The following FSTL5 variants were observed in gnomAD, a reference collection of about 807,000 sequenced individuals.
The protein encoded by FSTL5 is follistatin like 5.
A neutral mutation model predicts 89.1 loss-of-function variants in FSTL5; 62 were observed. The observed-to-expected ratio is 0.70, with a 90% CI of 0.57 to 0.86. The LOEUF (loss-of-function observed/expected upper bound fraction) is 0.86. Ranked by LOEUF, FSTL5 falls within the 40% of genes least tolerant of loss-of-function variation. FSTL5 has a pLI of 0.00. For synonymous variants in FSTL5, 383 were observed against 346.2 expected (o/e 1.11, Z -1.18); for missense variants, 1,057 against 1,001.6 (o/e 1.06, Z -0.75).
At chr4:161,855,597 C>A (rs1217995709) in intron 4 of FSTL5, among the ~76,000 whole-genome samples, 1 of 151,984 alleles carries the variant, frequency 6.6e-6, no homozygotes. Flanking sequence ...TAGGACTATA[C>A]TTAAAATTTA....
chr4:161,758,175 T>G (rs1740643940), intron 6 of FSTL5, among the ~76,000 whole-genome samples: 2 of 152,148 alleles, frequency 1.3e-5, no homozygotes, highest in African/African-American at 4.8e-5. Context: ...TATCATGCAG[T>G]AAGAAAATTA....
At chr4:161,644,526 C>CA (rs34645648) in intron 7 of FSTL5, among the ~76,000 whole-genome samples, 46,604 of 133,522 alleles carry the variant, frequency 0.35, 7,714 homozygotes, top group Middle Eastern at 0.48. Context: ...AACTCTGTCT[C>CA]AAAAAAAAAA....
intron 6 of FSTL5, among the ~76,000 whole-genome samples, chr4:161,692,190 T>C (rs956476395): frequency 1.3e-5 from 2 of 152,100 alleles, no homozygotes; most frequent in African/African-American, 4.8e-5. Context: ...TCTTTTACCA[T>C]TGAGTATGAT....
chr4:161,873,193 C>T (rs1454075582), intron 4 of FSTL5, among the ~76,000 whole-genome samples: 3 of 152,068 alleles, frequency 2.0e-5, no homozygotes, highest in Admixed American at 2.0e-4. Flanking sequence ...CCTGCCCTGG[C>T]CCAATCAGGT....
At chr4:161,650,228 G>A (rs1736290134) in intron 7 of FSTL5, among the ~76,000 whole-genome samples, 1 of 152,120 alleles carries the variant, frequency 6.6e-6, no homozygotes, top group African/African-American at 2.4e-5. Flanking sequence ...TATCTTCACA[G>A]TTCAAACATT....
At chr4:162,106,272 T>C (rs757724149) in intron 2 of FSTL5, among the ~76,000 whole-genome samples, 1 of 152,168 alleles carries the variant, frequency 6.6e-6, no homozygotes, top group South Asian at 2.1e-4. Context: ...CATAGTAGTA[T>C]CTGGTTAAAT....
At chr4:161,800,046 T>A (rs1729747159) in intron 4 of FSTL5, among the ~76,000 whole-genome samples, 1 of 151,690 alleles carries the variant, frequency 6.6e-6, no homozygotes, top group African/African-American at 2.4e-5. Flanking sequence ...TCAAATAGTG[T>A]TGCCCTCTCT....
chr4:161,996,845 T>C (rs963047427), intron 3 of FSTL5, among the ~76,000 whole-genome samples: 32 of 152,218 alleles, frequency 2.1e-4, no homozygotes, highest in African/African-American at 7.5e-4. Context: ...ATAATATCTA[T>C]TGCTAATTAG....
intron 7 of FSTL5, among the ~76,000 whole-genome samples, chr4:161,629,938 A>G (rs1735447426): frequency 6.6e-6 from 1 of 152,182 alleles, no homozygotes; most frequent in Admixed American, 6.5e-5. Flanking sequence ...TCGGAGGCTC[A>G]GGACCTCCTG....
At chr4:161,620,315 T>C (rs145347224) in intron 7 of FSTL5, among the ~76,000 whole-genome samples, 1,626 of 151,996 alleles carry the variant, frequency 0.011, 28 homozygotes, top group African/African-American at 0.037. Flanking sequence ...ATTGTGCACA[T>C]GTACCCTAAA....
chr4:161,482,398 AT>A (rs140627920), intron 12 of FSTL5, among the ~76,000 whole-genome samples: 3 of 152,018 alleles, frequency 2.0e-5, no homozygotes, highest in Non-Finnish European at 4.4e-5. Flanking sequence ...ATTTCATTTG[AT>A]TTTTTGTCTG....
chr4:161,938,033 T>A (rs2110914591), intron 3 of FSTL5, among the ~76,000 whole-genome samples: 1 of 152,304 alleles, frequency 6.6e-6, no homozygotes, highest in East Asian at 1.9e-4. Context: ...GACCTTCCTT[T>A]ACACTTTTCC....
intron 2 of FSTL5, among the ~76,000 whole-genome samples, chr4:162,057,919 G>T (rs1344532445): frequency 6.6e-6 from 1 of 152,050 alleles, no homozygotes; most frequent in Admixed American, 6.6e-5. Flanking sequence ...ACTCCAGCCT[G>T]GGTAAGAGAG....
At chr4:161,797,678 GT>G (rs1417617663) in intron 4 of FSTL5, among the ~76,000 whole-genome samples, 1 of 151,456 alleles carries the variant, frequency 6.6e-6, no homozygotes, top group Non-Finnish European at 1.5e-5. Context: ...TATTTTACAA[GT>G]CCTCTGTTTA....
intron 15 of FSTL5, among the ~76,000 whole-genome samples, chr4:161,428,198 T>G (rs1277829022): frequency 6.6e-6 from 1 of 152,148 alleles, no homozygotes; most frequent in Admixed American, 6.5e-5. Context: ...CAGTATTTCA[T>G]CCATCCCAGG....
chr4:162,114,108 C>T (rs972637632), intron 1 of FSTL5, among the ~76,000 whole-genome samples: 4 of 152,076 alleles, frequency 2.6e-5, no homozygotes, highest in South Asian at 2.1e-4. Flanking sequence ...AATGCAATTC[C>T]TATTTCCACT....
intron 3 of FSTL5, among the ~76,000 whole-genome samples, chr4:161,921,098 T>G (rs1733982333): frequency 6.6e-6 from 1 of 152,168 alleles, no homozygotes; most frequent in Admixed American, 6.6e-5. Context: ...AGCACATCCT[T>G]GGCACATGAT....
At chr4:161,592,106 G>A (rs1168110816) in intron 7 of FSTL5, among the ~76,000 whole-genome samples, 1 of 152,138 alleles carries the variant, frequency 6.6e-6, no homozygotes, top group African/African-American at 2.4e-5. Flanking sequence ...AAGGCTGGAA[G>A]TGTTTTGAGA....
intron 3 of FSTL5, among the ~76,000 whole-genome samples, chr4:162,018,906 A>G (rs1253683544): frequency 1.3e-5 from 2 of 152,198 alleles, no homozygotes; most frequent in Non-Finnish European, 2.9e-5. Flanking sequence ...TTTGGAAACA[A>G]TATTAGATGT....
Sources: gnomAD v4.1 joint callset for allele counts (sites outside exome capture counted in the v4.1 genomes callset) on GRCh38, gnomAD v4.1.1 for gene constraint, MANE v1.5 for transcripts, NCBI Gene and HGNC (gene_info 2026-07-23, HGNC 2026-07-21) for gene names.